The following PARK7 variants were observed in gnomAD, a reference collection of about 807,000 sequenced individuals.
PARK7 encodes the protein Parkinson disease protein 7.
Under a neutral mutation model 20.5 loss-of-function variants are expected in PARK7, and 14 were observed. That is an observed-to-expected ratio of 0.68 (90% confidence interval 0.45 to 1.07). PARK7 has a LOEUF of 1.07. PARK7 is among the 50% of genes least tolerant of loss of function. The pLI is 0.00. For missense variants in PARK7, 234 were observed against 238.1 expected (o/e 0.98, Z 0.11); for synonymous variants, 98 against 84.3 (o/e 1.16, Z -0.89).
chr1:7,969,780 A>G (rs1170712808), intron 4 of PARK7, among the ~76,000 whole-genome samples: 1 of 152,122 alleles, frequency 6.6e-6, no homozygotes, highest in South Asian at 2.1e-4. Context: ...GGGTTTCACC[A>G]TGTTGGCCAG....
intron 6 of PARK7, among the ~76,000 whole-genome samples, chr1:7,981,658 T>C (rs1384421306): frequency 2.4e-5 from 3 of 127,006 alleles, no homozygotes; most frequent in African/African-American, 8.4e-5. Context: ...CCTGTGTCTT[T>C]TGTTTTTTTT....
intron 5 of PARK7, among the ~76,000 whole-genome samples, chr1:7,975,466 C>T (rs1163153300): frequency 1.3e-5 from 2 of 152,242 alleles, no homozygotes; most frequent in East Asian, 3.9e-4. Flanking sequence ...GTGCTGTTGG[C>T]TGCAGAAGGG....
chr1:7,962,680 A>G, intron 1 of PARK7, 83 bp from the exon 2 acceptor site: 1 of 841,060 alleles, frequency 1.2e-6, no homozygotes, highest in Non-Finnish European at 1.9e-6. Flanking sequence ...TCTGCTTGAA[A>G]ATGCTCCTAA....
At chr1:7,970,681 G>A (rs1023468745) in intron 4 of PARK7, among the ~76,000 whole-genome samples, 6 of 152,116 alleles carry the variant, frequency 3.9e-5, no homozygotes, top group East Asian at 1.9e-4. Flanking sequence ...GGAAGAGTGC[G>A]TTTCTCTTAT....
chr1:7,978,390 TG>T (rs1319627234), intron 6 of PARK7, among the ~76,000 whole-genome samples: 4 of 96,536 alleles, frequency 4.1e-5, no homozygotes, highest in African/African-American at 1.6e-4. Flanking sequence ...TGCCTGTGTG[TG>T]GTTTTTTTTT....
chr1:7,975,611 G>A (rs1640568434), intron 5 of PARK7, among the ~76,000 whole-genome samples: 1 of 152,208 alleles, frequency 6.6e-6, no homozygotes, highest in Non-Finnish European at 1.5e-5. Flanking sequence ...CCAGAAAGCA[G>A]TGATTATGAG....
At chr1:7,976,552 T>A (rs771159099) in intron 5 of PARK7, among the ~76,000 whole-genome samples, 12 of 152,192 alleles carry the variant, frequency 7.9e-5, no homozygotes, top group Non-Finnish European at 1.2e-4. Context: ...TGTGGTTCTT[T>A]GCTTAAGTAG....
At chr1:7,971,292 C>T in intron 5 of PARK7, 1 of 393,916 alleles carries the variant, frequency 2.5e-6, no homozygotes, top group South Asian at 2.2e-5. Context: ...TGTGCCAGCA[C>T]ACAATCAGCA....
At position 7,965,541 on chromosome 1, in the gene PARK7, C is replaced by T. The variant is rs935479883; in HGVS notation, c.192+116C>T. On this transcript the variant is annotated intron_variant, in intron 3 of 6. Transcript: ENST00000338639. Reference sequence around the variant, plus strand: ...GAAAATTATTTTGCTTGAATGTCTTCCCCTGACAGATTAAGAGGGTGAGGA... The same window carrying T: ...GAAAATTATTTTGCTTGAATGTCTTTCCCTGACAGATTAAGAGGGTGAGGA... 9 of 871,158 alleles carry T rather than the reference C, an allele frequency of 1.0e-5. No homozygotes were observed. The African/African-American group carries it at 1.3e-4, about 13-fold the overall frequency. The allele number at this position is 871,158 out of a possible 1,614,324, so 54.0% of individuals were successfully genotyped here.
intron 6 of PARK7, among the ~76,000 whole-genome samples, chr1:7,979,178 T>C (rs1183395364): frequency 1.3e-5 from 2 of 152,200 alleles, no homozygotes; most frequent in Non-Finnish European, 2.9e-5. Flanking sequence ...GCTGTGAGCA[T>C]ATCTGAGCTC....
At chr1:7,983,329 A>G (rs1285339619) in intron 6 of PARK7, among the ~76,000 whole-genome samples, 2 of 152,170 alleles carry the variant, frequency 1.3e-5, no homozygotes, top group African/African-American at 2.4e-5. Context: ...GAGCTTTGTC[A>G]CTTCCCCCTC....
chr1:7,977,983 C>CTT (rs1640622195), intron 6 of PARK7, among the ~76,000 whole-genome samples: 2 of 87,200 alleles, frequency 2.3e-5, no homozygotes, highest in East Asian at 6.7e-4. Context: ...TGGTCTCAAA[C>CTT]TCTTTTTTTT....
At chr1:7,969,286 A>G in intron 3 of PARK7, 59 bp from the exon 4 acceptor site, 1 of 1,406,380 alleles carries the variant, frequency 7.1e-7, no homozygotes, top group African/African-American at 1.4e-5. Flanking sequence ...TGGACTGTCA[A>G]TTTAATGCAC....
chr1:7,979,675 AT>A (rs1213731232), intron 6 of PARK7, among the ~76,000 whole-genome samples: 9 of 151,928 alleles, frequency 5.9e-5, no homozygotes, highest in Admixed American at 5.3e-4. Flanking sequence ...TAATTTTTAA[AT>A]TTTTTTGTAG....
chr1:7,968,571 G>A (rs945669649), intron 3 of PARK7, among the ~76,000 whole-genome samples: 3 of 151,806 alleles, frequency 2.0e-5, no homozygotes, highest in Non-Finnish European at 2.9e-5. Context: ...GCTAGAGTGC[G>A]GTGGTGCAGC....
intron 3 of PARK7, among the ~76,000 whole-genome samples, chr1:7,967,871 G>T (rs774223774): frequency 6.6e-6 from 1 of 152,186 alleles, no homozygotes; most frequent in African/African-American, 2.4e-5. Flanking sequence ...AGTGAGCCAC[G>T]ATTGCATCAC....
chr1:7,962,632 A>G (rs1466626057), intron 1 of PARK7, 131 bp from the exon 2 acceptor site: 1 of 631,734 alleles, frequency 1.6e-6, no homozygotes, highest in Non-Finnish European at 2.8e-6. Flanking sequence ...TTTCGTATTC[A>G]GTTGTCTATG....
At chr1:7,981,722 G>C (rs577892319) in intron 6 of PARK7, among the ~76,000 whole-genome samples, 3 of 147,936 alleles carry the variant, frequency 2.0e-5, no homozygotes, top group African/African-American at 7.5e-5. Flanking sequence ...ACAGTGGCAC[G>C]ATCTGTGCTC....
rs567274443 is a variant in PARK7 at position 7,969,266 on chromosome 1, A to G, written c.193-79A>G. ...CTGTACTTCCCACATTTAAAATAGGAAAGTATTATTGGACTGTCAATTTAA... is the reference window on the plus strand; with the variant it reads ...CTGTACTTCCCACATTTAAAATAGGGAAGTATTATTGGACTGTCAATTTAA... On this transcript the variant is annotated intron_variant, in intron 3 of 6. Coordinates refer to ENST00000338639, the MANE Select transcript of PARK7 (RefSeq NM_007262.5). 500 of 1,151,308 alleles carry G rather than the reference A, an allele frequency of 4.3e-4. 1 individual carries two copies. Among genetic ancestry groups the G allele is most frequent in the Middle Eastern group, 1.1e-3 (5 of 4,448 alleles). 71.3% of individuals were successfully genotyped at this position (1,151,308 alleles called of 1,614,324 possible). A position where few individuals can be genotyped will look rare whatever the true frequency, so the allele number is the denominator to read the frequency against.
Sources: allele counts gnomAD v4.1 joint callset (sites outside exome capture counted in the v4.1 genomes callset), GRCh38; gene constraint gnomAD v4.1.1; transcripts MANE v1.5; gene names NCBI Gene and HGNC (gene_info 2026-07-23, HGNC 2026-07-21).